OTUD4: variants seen among roughly 807,000 people sequenced by gnomAD.
OTUD4 encodes the protein OTU deubiquitinase 4, also known as OTU domain-containing protein 4.
Under a neutral mutation model 130.4 loss-of-function variants are expected in OTUD4, and 24 were observed. The observed-to-expected ratio is 0.18, with a 90% CI of 0.13 to 0.26. The LOEUF (loss-of-function observed/expected upper bound fraction) is 0.26. Among genes scored for constraint, OTUD4 ranks in the 10% least tolerant of loss-of-function variants. The pLI is 1.00. For missense variants in OTUD4, 1,031 were observed against 1,329.4 expected, an observed-to-expected ratio of 0.78 and a Z score of 3.49; for synonymous variants, 420 against 472.5, an observed-to-expected ratio of 0.89 and a Z score of 1.44.
chr4:145,179,617 CT>C (rs1395905255), intron 1 of OTUD4, 197 bp downstream of exon 1: 1 of 1,387,880 alleles, frequency 7.2e-7, no homozygotes, highest in African/African-American at 1.5e-5. Flanking sequence ...AATTTGCGGG[CT>C]TTCGAGTTTC....
chr4:145,137,856 TTCTC>T lies in OTUD4; in HGVS notation c.2915_2918del (p.Arg972LysfsTer16). ...TAGGTTCAAGTTCAACAGGCACAGT[TTCTC>T]TCTCTCTGTTTAGAATCTGAGTGGG... On this transcript the variant is annotated frameshift_variant, in exon 21 of 21. Transcript: ENST00000447906. LOFTEE classifies it high-confidence loss of function. 1 of 1,614,094 alleles carries T rather than the reference TTCTC, an allele frequency of 6.2e-7. No individual in the cohort carries two copies. Among genetic ancestry groups the T allele is most frequent in the Non-Finnish European group, 8.5e-7 (1 of 1,179,998 alleles).
chr4:145,170,834 G>C (rs1388796107), intron 3 of OTUD4: 1 of 152,124 alleles, frequency 6.6e-6, no homozygotes, highest in Non-Finnish European at 1.5e-5. Flanking sequence ...AAGATACTTG[G>C]ATTTTTACAG....
chr4:145,172,313 G>A (rs568976656), intron 2 of OTUD4, among the ~76,000 whole-genome samples: 4 of 152,216 alleles, frequency 2.6e-5, no homozygotes. Flanking sequence ...TGACTTACAA[G>A]CTAAGAAATA....
At chr4:145,163,540 AATGTTT>A (rs1469877802) in intron 5 of OTUD4, among the ~76,000 whole-genome samples, 17 of 152,032 alleles carry the variant, frequency 1.1e-4, no homozygotes, top group Admixed American at 3.3e-4. Context: ...TTTTTTTACT[AATGTTT>A]ATATTGATAA....
rs1401946178 is a variant in OTUD4, at chr4:145,154,665, C to T, written c.873+746G>A. Among the ~76,000 whole-genome samples the T allele has an allele frequency of 2.6e-5, 4 of 152,144 alleles. No homozygotes were observed. The East Asian group carries it at 7.7e-4, about 29-fold the overall frequency. On this transcript the variant is annotated intron_variant, in intron 10 of 20. Transcript: ENST00000447906. ...TTACCTAGGGTTTCTTCTGCCTAAG[C>T]ATTACTGACACTTTGGACTAGGTAT...
intron 2 of OTUD4, 100 bp downstream of exon 2, chr4:145,174,561 G>A (rs1174302786): frequency 1.9e-5 from 13 of 676,980 alleles, no homozygotes; most frequent in Non-Finnish European, 2.7e-5. Context: ...TTCATAACCC[G>A]CATTAAGATC....
In OTUD4 at chr4:145,133,996, G is replaced by A. The variant is rs1254683107; in HGVS notation, c.*3434C>T. ...TTCATACATAAAATTTTCTAGCTCTGTAACACAATGCAATTTTTAATCCAT... is the reference window on the plus strand; with the variant it reads ...TTCATACATAAAATTTTCTAGCTCTATAACACAATGCAATTTTTAATCCAT... On this transcript the variant is annotated 3_prime_UTR_variant, in exon 21 of 21. Transcript: ENST00000447906. 1 of 152,524 alleles carries A rather than the reference G, an allele frequency of 6.6e-6. No individual in the cohort carries two copies. The allele number at this position is 152,524 out of a possible 1,614,324, so 9.4% of individuals were successfully genotyped here. A position where few individuals can be genotyped will look rare whatever the true frequency, so the allele number is the denominator to read the frequency against.
chr4:145,161,229 T>C (rs1292689262), intron 6 of OTUD4, among the ~76,000 whole-genome samples: 1 of 152,110 alleles, frequency 6.6e-6, no homozygotes, highest in Admixed American at 6.5e-5. Context: ...TAACAGGAGT[T>C]GCAGCCCTCG....
chr4:145,158,362 G>GT (rs1172151955), intron 7 of OTUD4, among the ~76,000 whole-genome samples: 123 of 152,010 alleles, frequency 8.1e-4, no homozygotes, highest in African/African-American at 2.8e-3. Context: ...GGCGCCTGTA[G>GT]TCCCAGCTAC....
At chr4:145,177,016 G>A (rs1232302834) in intron 1 of OTUD4, among the ~76,000 whole-genome samples, 1 of 152,170 alleles carries the variant, frequency 6.6e-6, no homozygotes, top group Non-Finnish European at 1.5e-5. Flanking sequence ...TATATTCTAA[G>A]AGTATGTGAC....
chr4:145,151,471 T>C (rs36226193), intron 11 of OTUD4, among the ~76,000 whole-genome samples: 2,195 of 152,070 alleles, frequency 0.014, 53 homozygotes, highest in African/African-American at 0.05. Flanking sequence ...CCATCTCTAC[T>C]AAAAACAGAA....
intron 15 of OTUD4, 89 bp downstream of exon 15, chr4:145,144,222 T>G: frequency 1.4e-6 from 2 of 1,419,862 alleles, no homozygotes; most frequent in Non-Finnish European, 1.9e-6. Context: ...CTTAACAACT[T>G]AAAAAGGGTT....
At chr4:145,140,813 C>A (rs1750520492) in intron 19 of OTUD4, among the ~76,000 whole-genome samples, 1 of 151,680 alleles carries the variant, frequency 6.6e-6, no homozygotes, top group South Asian at 2.1e-4. Flanking sequence ...TATGTAAAAA[C>A]ACAGAAGGAG....
At chr4:145,164,318 G>GCC (rs1439161083) in intron 4 of OTUD4, 92 bp from the exon 5 acceptor site, 2 of 604,438 alleles carry the variant, frequency 3.3e-6, no homozygotes, top group Non-Finnish European at 3.0e-6. Flanking sequence ...CCTAATACGT[G>GCC]CCAGGCACTG....
rs1470177694 is a variant in OTUD4 at position 145,138,438 on chromosome 4, T to C, written c.2337A>G (p.Gln779=). 3.7e-6 allele frequency: 6 copies of C among 1,614,062 alleles called. No homozygotes were observed. The African/African-American group carries it at 5.3e-5, about 14-fold the overall frequency. Residue 779 remains glutamine, a synonymous_variant, in exon 21 of 21, where the codon CAA becomes CAG. Transcript: ENST00000447906. ...PMQTEASVNG[Q]MPQPEIGPPT... ...GCGGTCCAATCTCTGGCTGTGGCAT[T>C]TGACCATTAACACTGGCCTCAGTCT...
chr4:145,149,932 G>A (rs1477073871), intron 13 of OTUD4, among the ~76,000 whole-genome samples: 1 of 152,178 alleles, frequency 6.6e-6, no homozygotes, highest in East Asian at 1.9e-4. Context: ...TTACTGAACA[G>A]AAAGTGAAGA....
chr4:145,156,597 C>T (rs1011509478), intron 7 of OTUD4, among the ~76,000 whole-genome samples: 1 of 151,810 alleles, frequency 6.6e-6, no homozygotes. Flanking sequence ...GCAGGAGAAT[C>T]GCTTGAACCC....
chr4:145,159,504 T>G lies in OTUD4; in HGVS notation c.628A>C (p.Lys210Gln). Reference protein sequence around the residue: ...EISDSEDDSCKSKTAAAAADV... With the variant: ...EISDSEDDSCQSKTAAAAADV... ...GGTATTTTAGGATTTCATTCTTACT[T>G]GCAACTGTCATCCTCTGAATCTGAT... Residue 210 changes from lysine (K) to glutamine (Q), a missense_variant and splice_region_variant, in exon 7 of 21, where the codon AAG (lysine) becomes CAG (glutamine). Transcript: ENST00000447906. The G allele has an allele frequency of 6.2e-7, 1 of 1,613,508 alleles. No individual in the cohort carries two copies. Among genetic ancestry groups the G allele is most frequent in the Non-Finnish European group, 8.5e-7 (1 of 1,179,688 alleles).
intron 1 of OTUD4, among the ~76,000 whole-genome samples, chr4:145,176,157 A>G (rs1752411603): frequency 6.6e-6 from 1 of 151,278 alleles, no homozygotes; most frequent in African/African-American, 2.4e-5. Context: ...GGGCCTCTCA[A>G]AGTGCTGGGA....
Sources: gnomAD v4.1 joint callset for allele counts (sites outside exome capture counted in the v4.1 genomes callset) on GRCh38, gnomAD v4.1.1 for gene constraint, MANE v1.5 for transcripts, NCBI Gene and HGNC (gene_info 2026-07-23, HGNC 2026-07-21) for gene names.